EIPR1: variants seen among roughly 807,000 people sequenced by gnomAD.
EIPR1 encodes EARP and GARP complex-interacting protein 1.
In EIPR1, 25 loss-of-function variants were observed where a neutral mutation model predicts 48.1. The observed-to-expected ratio is 0.52, with a 90% CI of 0.38 to 0.73. EIPR1 has a LOEUF of 0.73. Ranked by LOEUF, EIPR1 falls within the 30% of genes least tolerant of loss-of-function variation. The pLI, the probability that EIPR1 is intolerant of heterozygous loss-of-function variation, is 0.00. For synonymous variants in EIPR1, 204 were observed against 201.9 expected (o/e 1.01, Z -0.09); for missense variants, 415 against 506.2 (o/e 0.82, Z 1.73).
At chr2:3,356,340 G>C (rs1345413136) in intron 1 of EIPR1, among the ~76,000 whole-genome samples, 4 of 152,242 alleles carry the variant, frequency 2.6e-5, no homozygotes, top group African/African-American at 9.6e-5. Flanking sequence ...TCCTGAAAGA[G>C]AAACGTAGGC....
At chr2:3,296,755 C>T (rs753379563) in intron 3 of EIPR1, among the ~76,000 whole-genome samples, 7 of 152,052 alleles carry the variant, frequency 4.6e-5, no homozygotes, top group Non-Finnish European at 8.8e-5. Context: ...TCCAGCCTAT[C>T]CTCTCTACAC....
At chr2:3,252,045 A>G (rs1667014990) in intron 4 of EIPR1, among the ~76,000 whole-genome samples, 1 of 152,214 alleles carries the variant, frequency 6.6e-6, no homozygotes, top group South Asian at 2.1e-4. Flanking sequence ...TGAGTGAGGT[A>G]ATGCATGCAA....
Position 3,333,749 on chromosome 2 carries a change from CAAA to C in EIPR1, c.259+4265_259+4267del, listed in dbSNP as rs769152280. Among the ~76,000 whole-genome samples, 454 of 72,374 alleles carry C rather than the reference CAAA, an allele frequency of 6.3e-3. 4 individuals are homozygous for C. The highest frequency in any genetic ancestry group is 0.023 in the African/African-American group (432 of 18,632). 47.5% of individuals were successfully genotyped at this position (72,374 alleles called of 152,430 possible). A position where few individuals can be genotyped will look rare whatever the true frequency, so the allele number is the denominator to read the frequency against. On this transcript the variant is annotated intron_variant, in intron 3 of 8. Transcript: ENST00000382125. ...AGAGCCAAGAGCAAGACCCTACCTC[CAAA>C]AAAAAAAAAAAAAAAAATCATGAAA...
intron 4 of EIPR1, among the ~76,000 whole-genome samples, chr2:3,238,998 G>C (rs368713921): frequency 6.6e-6 from 1 of 152,224 alleles, no homozygotes; most frequent in Non-Finnish European, 1.5e-5. Flanking sequence ...GTCTCTGGGA[G>C]AGCCTGGAAG....
chr2:3,273,256 G>C (rs970128438), intron 3 of EIPR1, among the ~76,000 whole-genome samples: 5 of 152,192 alleles, frequency 3.3e-5, no homozygotes, highest in African/African-American at 1.2e-4. Context: ...TGCTTTCAGG[G>C]AAGTGAAGAA....
rs548381291 is a variant in EIPR1, at chr2:3,312,887, G to A, written c.259+25130C>T. Among the ~76,000 whole-genome samples, 5 of 152,322 alleles carry A rather than the reference G, an allele frequency of 3.3e-5. No individual in the cohort carries two copies. The South Asian group carries it at 1.0e-3, about 32-fold the overall frequency. ...GTACACCCACTGATAAGGGTCACCA[G>A]ATTGAGAAATAAAAACTTGGCACAG... On this transcript the variant is annotated intron_variant, in intron 3 of 8. Coordinates refer to ENST00000382125, the MANE Select transcript of EIPR1 (RefSeq NM_003310.5). This position sits in a 1 kb window ranked among gnomAD's most constrained non-coding sequence, Gnocchi z 5.5.
intron 3 of EIPR1, among the ~76,000 whole-genome samples, chr2:3,264,350 C>T (rs1003003623): frequency 6.6e-6 from 1 of 152,172 alleles, no homozygotes; most frequent in Non-Finnish European, 1.5e-5. Flanking sequence ...CCATTTGTAC[C>T]ATGTTTCTTT....
Position 3,312,134 on chromosome 2 carries a change from G to A in EIPR1, c.259+25883C>T, listed in dbSNP as rs1669149011. On this transcript the variant is annotated intron_variant, in intron 3 of 8. Coordinates refer to ENST00000382125, the MANE Select transcript of EIPR1 (RefSeq NM_003310.5). This position sits in a 1 kb window ranked among gnomAD's most constrained non-coding sequence, Gnocchi z 5.5. ...CTGAAGTGCCTGAAGATGAGTCTCG[G>A]GACGCTCCCAAATTTCCTCAAGTTG... Among the ~76,000 whole-genome samples the A allele has an allele frequency of 6.6e-6, 1 of 152,084 alleles. No homozygotes were observed. Among genetic ancestry groups the A allele is most frequent in the Non-Finnish European group, 1.5e-5 (1 of 68,008 alleles).
At chr2:3,356,342 A>C (rs1202032441) in intron 1 of EIPR1, among the ~76,000 whole-genome samples, 1 of 152,220 alleles carries the variant, frequency 6.6e-6, no homozygotes, top group Non-Finnish European at 1.5e-5. Context: ...CTGAAAGAGA[A>C]ACGTAGGCTG....
rs1669968923 is a variant in EIPR1 at position 3,333,876 on chromosome 2, C to G, written c.259+4141G>C. On this transcript the variant is annotated intron_variant, in intron 3 of 8. Coordinates refer to ENST00000382125, the MANE Select transcript of EIPR1 (RefSeq NM_003310.5). ...GGGTGCTCCTAACAACTCACGCCAG[C>G]TGGCCCTGTGATCGGCCTGCCCTCT... Among the ~76,000 whole-genome samples, 3 of 152,180 alleles carry G rather than the reference C, an allele frequency of 2.0e-5. No homozygotes were observed. In the South Asian group the frequency reaches 6.2e-4, roughly 31 times the overall value.
At chr2:3,246,799 G>A (rs1572350469) in intron 4 of EIPR1, among the ~76,000 whole-genome samples, 1 of 89,872 alleles carries the variant, frequency 1.1e-5, no homozygotes, top group Non-Finnish European at 2.2e-5. Context: ...GAGGGAGGGA[G>A]GGAGGCAGGG....
chr2:3,222,422 A>C (rs2103150769), intron 4 of EIPR1, among the ~76,000 whole-genome samples: 1 of 152,388 alleles, frequency 6.6e-6, no homozygotes, highest in South Asian at 2.1e-4. Context: ...AATGAGTTTC[A>C]AGTGGCTGTA....
chr2:3,285,059 C>A (rs1182308291), intron 3 of EIPR1, among the ~76,000 whole-genome samples: 1 of 152,178 alleles, frequency 6.6e-6, no homozygotes, highest in Non-Finnish European at 1.5e-5. Context: ...TACACAGGGA[C>A]ACGTCAGACC....
intron 1 of EIPR1, among the ~76,000 whole-genome samples, chr2:3,362,869 GA>G (rs1289543631): frequency 2.6e-5 from 4 of 152,126 alleles, no homozygotes; most frequent in Admixed American, 2.0e-4. Context: ...AAGCAATGCT[GA>G]AACCCTGGAG....
At chr2:3,345,959 C>T (rs1335360286) in intron 2 of EIPR1, among the ~76,000 whole-genome samples, 1 of 152,206 alleles carries the variant, frequency 6.6e-6, no homozygotes, top group African/African-American at 2.4e-5. Flanking sequence ...ACCACCACCA[C>T]CACCACCACC....
chr2:3,365,703 G>T (rs1021902565), intron 1 of EIPR1, among the ~76,000 whole-genome samples: 16 of 150,714 alleles, frequency 1.1e-4, no homozygotes, highest in African/African-American at 3.9e-4. Flanking sequence ...CGAGCCTGCT[G>T]CCTTCAAGCA....
chr2:3,374,331 T>C (rs911991631), intron 1 of EIPR1, among the ~76,000 whole-genome samples: 2 of 152,204 alleles, frequency 1.3e-5, no homozygotes, highest in South Asian at 2.1e-4. Flanking sequence ...AAGGACTTCA[T>C]GTCTAAAACA....
chr2:3,259,757 T>C (rs2103223680), intron 3 of EIPR1, among the ~76,000 whole-genome samples: 1 of 152,340 alleles, frequency 6.6e-6, no homozygotes, highest in Middle Eastern at 3.4e-3. Context: ...TTTTGGAAGC[T>C]GGAAAGAAAC....
intron 1 of EIPR1, among the ~76,000 whole-genome samples, 170 bp from the exon 2 acceptor site, chr2:3,354,803 G>A (rs934651322): frequency 1.3e-5 from 2 of 152,132 alleles, no homozygotes; most frequent in East Asian, 3.9e-4. Context: ...TTTGACTTTT[G>A]CACACTTTCA....
Sources: allele counts gnomAD v4.1 joint callset (sites outside exome capture counted in the v4.1 genomes callset), GRCh38; gene constraint gnomAD v4.1.1; non-coding constraint Gnocchi (gnomAD v3.1); transcripts MANE v1.5; gene names NCBI Gene and HGNC (gene_info 2026-07-23, HGNC 2026-07-21).